Variants in CDCA2 observed in about 807,000 individuals in gnomAD.
CDCA2 encodes the protein cell division cycle associated 2.
Under a neutral mutation model 67.0 loss-of-function variants are expected in CDCA2, and 44 were observed. That is an observed-to-expected ratio of 0.66 (90% CI 0.52 to 0.84). The LOEUF (loss-of-function observed/expected upper bound fraction) is 0.84. Among genes scored for constraint, CDCA2 ranks in the 40% least tolerant of loss-of-function variants. The pLI, the probability that CDCA2 is intolerant of heterozygous loss-of-function variation, is 0.00. For synonymous variants in CDCA2, 447 were observed against 418.7 expected (o/e 1.07, Z -0.82); for missense variants, 1,253 against 1,203.2 (o/e 1.04, Z -0.61).
intron 6 of CDCA2, 24 bp from the exon 7 acceptor site, chr8:25,469,872 A>G (rs776267395): frequency 1.3e-6 from 2 of 1,486,306 alleles, no homozygotes; most frequent in South Asian, 1.1e-5. Context: ...ATAAAATGTA[A>G]TACTCTTTCA....
intron 1 of CDCA2, among the ~76,000 whole-genome samples, 156 bp downstream of exon 1, chr8:25,459,629 T>G (rs916316597): frequency 1.3e-5 from 2 of 152,224 alleles, no homozygotes; most frequent in African/African-American, 2.4e-5. Flanking sequence ...TTTCTGGAAA[T>G]GGATAGAGCT....
In CDCA2 at chr8:25,480,013, C is replaced by T; in HGVS notation, c.921C>T (p.Val307=). ...TGAGCTCAGACGCAGTCCCTGATGT[C>T]AGGTCACCAGCTACTCCAGCCTGCA... ...AEVSSDAVPD[V]RSPATPACRR... Residue 307 remains valine, a synonymous_variant, in exon 8 of 15, where the codon GTC becomes GTT. Transcript: ENST00000330560. The T allele has an allele frequency of 6.2e-7, 1 of 1,614,162 alleles. No homozygotes were observed. The highest frequency in any genetic ancestry group is 8.5e-7 in the Non-Finnish European group (1 of 1,180,024).
At chr8:25,506,344 A>AGAG (rs958415151) in intron 14 of CDCA2, among the ~76,000 whole-genome samples, 166 bp from the exon 15 acceptor site, 2 of 152,212 alleles carry the variant, frequency 1.3e-5, no homozygotes, top group Non-Finnish European at 2.9e-5. Context: ...GAGAACTAAA[A>AGAG]GAGGAGGAGG....
chr8:25,495,503 C>T (rs966470767), intron 13 of CDCA2, among the ~76,000 whole-genome samples: 4 of 152,090 alleles, frequency 2.6e-5, no homozygotes, highest in Non-Finnish European at 5.9e-5. Flanking sequence ...CAAGCTCCGC[C>T]TCCCGGGTTC....
chr8:25,484,727 G>C (rs781691968), intron 10 of CDCA2, among the ~76,000 whole-genome samples: 1 of 151,668 alleles, frequency 6.6e-6, no homozygotes, highest in Admixed American at 6.6e-5. Context: ...TTAGCCTCCC[G>C]AGTAGCTGGG....
chr8:25,464,259 T>G (rs763549372), intron 4 of CDCA2, among the ~76,000 whole-genome samples: 2 of 152,120 alleles, frequency 1.3e-5, no homozygotes, highest in Non-Finnish European at 1.5e-5. Flanking sequence ...ACAGAAAAAT[T>G]TTAAAAATTA....
chr8:25,503,138 G>C (rs756507511), intron 13 of CDCA2, among the ~76,000 whole-genome samples: 17 of 152,044 alleles, frequency 1.1e-4, no homozygotes, highest in Non-Finnish European at 1.8e-4. Flanking sequence ...AAAATAAAAA[G>C]CCAGTCGTGG....
chr8:25,488,444 G>A (rs1803865647), intron 12 of CDCA2, 108 bp from the exon 13 acceptor site: 3 of 967,968 alleles, frequency 3.1e-6, no homozygotes, highest in Non-Finnish European at 4.4e-6. Flanking sequence ...GAATAAATGG[G>A]ATCTAAAGTG....
rs1174028086 is a variant in CDCA2 at position 25,487,190 on chromosome 8, T to C, written c.1445-56T>C. On this transcript the variant is annotated intron_variant, in intron 11 of 14. Transcript: ENST00000330560. ...TAAACACAGTGTTTCCAAAGGAAGA[T>C]GTATGTTATAGTTTTTGGTTTCCTA... The C allele has an allele frequency of 6.9e-6, 7 of 1,008,458 alleles. No homozygotes were observed. The East Asian group carries it at 1.4e-4, about 21-fold the overall frequency. 62.5% of individuals were successfully genotyped at this position (1,008,458 alleles called of 1,614,324 possible).
At chr8:25,503,308 A>G in intron 13 of CDCA2, 65 bp from the exon 14 acceptor site, 1 of 1,262,262 alleles carries the variant, frequency 7.9e-7, no homozygotes, top group Non-Finnish European at 1.1e-6. Flanking sequence ...TAACTAGTTA[A>G]AGGGTCAAAA....
intron 7 of CDCA2, among the ~76,000 whole-genome samples, chr8:25,471,729 G>A (rs1803162365): frequency 6.6e-6 from 1 of 152,140 alleles, no homozygotes. Context: ...CTGTGACAGT[G>A]ATTATAGATT....
chr8:25,501,622 C>T (rs1456197653), intron 13 of CDCA2, among the ~76,000 whole-genome samples: 1 of 152,246 alleles, frequency 6.6e-6, no homozygotes, highest in African/African-American at 2.4e-5. Context: ...TAGGCCAAAA[C>T]AGCCCTTGCT....
chr8:25,462,222 C>T lies in CDCA2; in HGVS notation c.387+14C>T. ...TCTCCTTCCCAGGTATGATTTTCTT[C>T]TAAGTTCTGTCGTGAATTCCGTTAA... On this transcript the variant is annotated intron_variant, in intron 4 of 14. Transcript: ENST00000330560. 6.2e-7 allele frequency: 1 copy of T among 1,612,892 alleles called. No individual in the cohort carries two copies. The highest frequency in any genetic ancestry group is 1.7e-5 in the Admixed American group (1 of 60,006).
rs1804405761 is a variant in CDCA2, at chr8:25,499,935, G to A, written c.1672-3438G>A. The stretch of plus-strand genomic sequence containing the variant: ...GAATTCAGATTTTGATAAGTTTGTG[G>A]CCTTTGCTGATGAAATCTTCTCATG... On this transcript the variant is annotated intron_variant, in intron 13 of 14. Coordinates refer to ENST00000330560, the MANE Select transcript of CDCA2 (RefSeq NM_152562.4). Among the ~76,000 whole-genome samples the A allele has an allele frequency of 4.6e-5, 7 of 152,294 alleles. No homozygotes were observed. In the South Asian group the frequency reaches 1.5e-3, roughly 32 times the overall value.
rs558025069 is a variant in CDCA2, at chr8:25,494,258, G to A, written c.1671+5569G>A. ...GAGGATTGCTTGAGGCCAGTAGTGC[G>A]AGACCAGCCTGGTCAACATAGCACA... On this transcript the variant is annotated intron_variant, in intron 13 of 14. Coordinates refer to ENST00000330560, the MANE Select transcript of CDCA2 (RefSeq NM_152562.4). Among the ~76,000 whole-genome samples, 96 of 151,656 alleles carry A rather than the reference G, an allele frequency of 6.3e-4. 1 individual carries two copies. The highest frequency in any genetic ancestry group is 2.6e-4 in the Non-Finnish European group (18 of 67,962).
intron 13 of CDCA2, among the ~76,000 whole-genome samples, chr8:25,501,891 T>G (rs945962617): frequency 1.3e-5 from 2 of 152,076 alleles, no homozygotes; most frequent in Admixed American, 6.5e-5. Flanking sequence ...TTTGTTTTTG[T>G]TTTTGTTTTG....
rs116332536 is a variant in CDCA2, at chr8:25,483,418, A to T, written c.1052A>T (p.Tyr351Phe). 3.1e-6 allele frequency: 5 copies of T among 1,605,694 alleles called. No individual in the cohort carries two copies. Among genetic ancestry groups the T allele is most frequent in the Non-Finnish European group, 3.4e-6 (4 of 1,175,450 alleles). Residue 351 changes from tyrosine to phenylalanine, a missense_variant, in exon 9 of 15, where the codon TAT becomes TTT. Coordinates refer to ENST00000330560, the MANE Select transcript of CDCA2 (RefSeq NM_152562.4). Reference sequence around the variant, plus strand: ...GTTTAGGAACACTGTAACAACCTCTATGATGATGATGGGACTCATCCGAGC... The same window carrying T: ...GTTTAGGAACACTGTAACAACCTCTTTGATGATGATGGGACTCATCCGAGC... ...ESLQEHCNNLYDDDGTHPSLI... is the reference protein window; with the variant it reads ...ESLQEHCNNLFDDDGTHPSLI...
intron 7 of CDCA2, among the ~76,000 whole-genome samples, chr8:25,478,689 A>C (rs1327005415): frequency 1.3e-5 from 2 of 152,012 alleles, no homozygotes; most frequent in Non-Finnish European, 2.9e-5. Context: ...TCTTTACCTC[A>C]GGTCTTTGCA....
At chr8:25,460,678 C>T (rs1374719010) in intron 3 of CDCA2, 124 bp downstream of exon 3, 2 of 989,410 alleles carry the variant, frequency 2.0e-6, no homozygotes, top group African/African-American at 3.3e-5. Context: ...ACTCTGCAAA[C>T]TTGCTTCTTC....
Sources: gnomAD v4.1 joint callset for allele counts (sites outside exome capture counted in the v4.1 genomes callset) on GRCh38, gnomAD v4.1.1 for gene constraint, MANE v1.5 for transcripts, NCBI Gene and HGNC (gene_info 2026-07-23, HGNC 2026-07-21) for gene names.